ARHGEF33: variants seen among roughly 807,000 people sequenced by gnomAD.
The protein encoded by ARHGEF33 is DH and coiled-coil domain-containing protein ENSP00000381780.
In ARHGEF33, 72 loss-of-function variants were observed where a neutral mutation model predicts 101.9. The observed-to-expected ratio is 0.71, with a 90% confidence interval of 0.58 to 0.86. The LOEUF (loss-of-function observed/expected upper bound fraction) is 0.86, where lower values mean the gene tolerates loss of function less well. ARHGEF33 is among the 40% of genes least tolerant of loss of function. ARHGEF33 has a pLI of 0.00. For missense variants in ARHGEF33, 1,169 were observed against 1,111.3 expected (o/e 1.05, Z -0.74); for synonymous variants, 499 against 442.5 (o/e 1.13, Z -1.60).
chr2:38,919,841 C>T (rs938249956), intron 3 of ARHGEF33, among the ~76,000 whole-genome samples: 1 of 152,170 alleles, frequency 6.6e-6, no homozygotes, highest in Admixed American at 6.5e-5. Flanking sequence ...AGTAGATTCT[C>T]TTATCATCTC....
At chr2:38,956,828 G>A (rs1203462156) in intron 13 of ARHGEF33, 71 bp from the exon 14 acceptor site, 3 of 1,485,212 alleles carry the variant, frequency 2.0e-6, no homozygotes, top group African/African-American at 2.8e-5. Flanking sequence ...AGATCAAGGT[G>A]AGGTGCAGAA....
intron 10 of ARHGEF33, among the ~76,000 whole-genome samples, chr2:38,948,129 T>C (rs1473429942): frequency 1.3e-5 from 2 of 152,104 alleles, no homozygotes; most frequent in Non-Finnish European, 2.9e-5. Flanking sequence ...ATACTTCGTC[T>C]TCATGAAAAA....
At chr2:38,928,633 C>T (rs940650521) in intron 4 of ARHGEF33, 18 of 224,198 alleles carry the variant, frequency 8.0e-5, no homozygotes, top group Non-Finnish European at 1.5e-4. Flanking sequence ...TAGAATAAAT[C>T]GAAGCTTGCA....
In ARHGEF33 at chr2:38,958,205, A is replaced by G; in HGVS notation, c.1535+7A>G. 1 of 1,551,302 alleles carries G rather than the reference A, an allele frequency of 6.4e-7. No homozygotes were observed. Among genetic ancestry groups the G allele is most frequent in the Non-Finnish European group, 8.7e-7 (1 of 1,146,962 alleles). On this transcript the variant is annotated splice_region_variant and intron_variant, in intron 15 of 17. Coordinates refer to ENST00000409978, the MANE Select transcript of ARHGEF33 (RefSeq NM_001145451.5). ...GTTCTGGCCCTGCCATCACGTAAGCACCTGTTGCTGTGGGAAGGTTAATGC... is the reference window on the plus strand; with the variant it reads ...GTTCTGGCCCTGCCATCACGTAAGCGCCTGTTGCTGTGGGAAGGTTAATGC...
chr2:38,964,642 A>G (rs540453245), intron 16 of ARHGEF33, among the ~76,000 whole-genome samples: 1 of 151,514 alleles, frequency 6.6e-6, no homozygotes, highest in Admixed American at 6.6e-5. Context: ...CAGAAGGTGG[A>G]GCTCAGGTAG....
At chr2:38,896,501 C>G (rs944382294) in intron 2 of ARHGEF33, among the ~76,000 whole-genome samples, 2 of 152,204 alleles carry the variant, frequency 1.3e-5, no homozygotes, top group African/African-American at 4.8e-5. Flanking sequence ...TAGACAACAT[C>G]TACTTTCCAT....
chr2:38,972,483 C>T (rs1244623331), intron 17 of ARHGEF33, among the ~76,000 whole-genome samples: 1 of 152,030 alleles, frequency 6.6e-6, no homozygotes, highest in Non-Finnish European at 1.5e-5. Context: ...GTGTTCCTTA[C>T]CAACCAGAAG....
Position 38,929,764 on chromosome 2 carries a change from A to G in ARHGEF33, c.296A>G (p.Glu99Gly). 3 of 1,551,994 alleles carry G rather than the reference A, an allele frequency of 1.9e-6. No individual in the cohort carries two copies. Among genetic ancestry groups the G allele is most frequent in the Non-Finnish European group, 2.6e-6 (3 of 1,146,946 alleles). ...CAAGCCATCACTTCCAAACAAGAAG[A>G]AATGCAACAGAAAATCGAGCAGCTT... ...MIQAITSKQE[E>G]MQQKIEQLQQ... Residue 99 changes from glutamate (E) to glycine (G), a missense_variant, in exon 6 of 18, where the codon GAA (glutamate) becomes GGA (glycine). By Grantham distance (98) the Glu-to-Gly change is moderately conservative. Coordinates refer to ENST00000409978, the MANE Select transcript of ARHGEF33 (RefSeq NM_001145451.5).
rs759125452 is a variant in ARHGEF33 at position 38,960,420 on chromosome 2, G to A, written c.2115G>A (p.Leu705=). The A allele has an allele frequency of 4.0e-6, 6 of 1,515,442 alleles. No individual in the cohort carries two copies. The South Asian group carries it at 4.9e-5, about 12-fold the overall frequency. 93.9% of individuals were successfully genotyped at this position (1,515,442 alleles called of 1,614,324 possible). Residue 705 remains leucine, a synonymous_variant, in exon 16 of 18, where the codon CTG becomes CTA. Transcript: ENST00000409978. ...AAQAHGKAKP[L]SRSLKEFPRA... ...AGGCGCACGGCAAGGCCAAGCCGCTGAGCCGCTCTCTCAAAGAGTTCCCGC... is the reference window on the plus strand; with the variant it reads ...AGGCGCACGGCAAGGCCAAGCCGCTAAGCCGCTCTCTCAAAGAGTTCCCGC...
At chr2:38,929,494 C>T (rs1324808817) in intron 5 of ARHGEF33, among the ~76,000 whole-genome samples, 1 of 151,880 alleles carries the variant, frequency 6.6e-6, no homozygotes, top group Non-Finnish European at 1.5e-5. Context: ...TTCCTCTGGG[C>T]CATCCATAGT....
intron 15 of ARHGEF33, chr2:38,959,492 A>C (rs906823683): frequency 4.8e-6 from 1 of 210,404 alleles, no homozygotes; most frequent in African/African-American, 2.3e-5. Flanking sequence ...ATTCCGTATG[A>C]CTCTGCTAGG....
chr2:38,954,986 C>T (rs1667703794), intron 13 of ARHGEF33, among the ~76,000 whole-genome samples: 1 of 152,170 alleles, frequency 6.6e-6, no homozygotes, highest in South Asian at 2.1e-4. Context: ...CTCTGAAGTT[C>T]TATCTTTACT....
chr2:38,973,668 T>C (rs961976293), intron 17 of ARHGEF33, 46 bp from the exon 18 acceptor site: 7 of 1,442,304 alleles, frequency 4.9e-6, no homozygotes, highest in Non-Finnish European at 6.4e-6. Flanking sequence ...TTGAAAACAA[T>C]TAAAACCAAA....
Position 38,966,130 on chromosome 2 carries a change from A to G in ARHGEF33, c.2468A>G (p.Lys823Arg). The G allele has an allele frequency of 1.9e-6, 3 of 1,551,650 alleles. No homozygotes were observed. The highest frequency in any genetic ancestry group is 2.4e-5 in the East Asian group (1 of 40,924). ...GGGGGCTTTCGCAGCTCCTTCCGCA[A>G]GCTCTTTAAAAAGAAGTGAGTAGCC... is the stretch of plus-strand genomic sequence containing the variant. ...QKGGFRSSFR[K>R]LFKKKSSGSE... Residue 823 changes from lysine to arginine, a missense_variant, in exon 17 of 18, where the codon AAG (lysine) becomes AGG (arginine). Transcript: ENST00000409978.
At chr2:38,909,830 C>G (rs1338138695) in intron 2 of ARHGEF33, among the ~76,000 whole-genome samples, 1 of 149,894 alleles carries the variant, frequency 6.7e-6, no homozygotes, top group Non-Finnish European at 1.5e-5. Flanking sequence ...CATTTTGCTT[C>G]TAAGGGTCAC....
At chr2:38,925,052 T>C (rs1319477680) in intron 4 of ARHGEF33, among the ~76,000 whole-genome samples, 2 of 152,160 alleles carry the variant, frequency 1.3e-5, no homozygotes, top group Non-Finnish European at 2.9e-5. Flanking sequence ...CTACTGTAAA[T>C]GCCTTATTAG....
chr2:38,968,084 C>T (rs945369098), intron 17 of ARHGEF33, among the ~76,000 whole-genome samples: 4 of 151,804 alleles, frequency 2.6e-5, no homozygotes, highest in Non-Finnish European at 4.4e-5. Context: ...TTACTAATTC[C>T]TATTTATCAG....
At chr2:38,956,861 T>C in intron 13 of ARHGEF33, 38 bp from the exon 14 acceptor site, 1 of 1,544,462 alleles carries the variant, frequency 6.5e-7, no homozygotes, top group Non-Finnish European at 8.8e-7. Context: ...ATTTTCATGC[T>C]GATTATGCAA....
rs1667880380 is a variant in ARHGEF33 at position 38,960,150 on chromosome 2, G to A, written c.1845G>A (p.Glu615=). ...ARGFVPAAYE[E]FEYGGEIFAL... is the part of the protein sequence containing the mutation. Reference sequence around the variant, plus strand: ...GCTTCGTGCCCGCGGCCTACGAAGAGTTCGAGTACGGCGGCGAGATCTTCG... The same window carrying A: ...GCTTCGTGCCCGCGGCCTACGAAGAATTCGAGTACGGCGGCGAGATCTTCG... The change falls in exon 16 of 18, where the codon GAG becomes GAA. Residue 615 remains glutamate (E), a synonymous_variant. Coordinates refer to ENST00000409978, the MANE Select transcript of ARHGEF33 (RefSeq NM_001145451.5). The A allele has an allele frequency of 6.5e-7, 1 of 1,542,916 alleles. No individual in the cohort carries two copies.
Sources: allele counts gnomAD v4.1 joint callset (sites outside exome capture counted in the v4.1 genomes callset), GRCh38; gene constraint gnomAD v4.1.1; transcripts MANE v1.5; gene names NCBI Gene and HGNC (gene_info 2026-07-23, HGNC 2026-07-21).